The following FAM13C variants were observed in gnomAD, a reference collection of about 807,000 sequenced individuals.
FAM13C encodes the protein family with sequence similarity 13 member C.
A neutral mutation model predicts 73.2 loss-of-function variants in FAM13C; 37 were observed. The ratio of observed to expected loss-of-function variants is 0.51; its 90% CI spans 0.39 to 0.67. The LOEUF (loss-of-function observed/expected upper bound fraction) is 0.67. Ranked by LOEUF, FAM13C falls within the 30% of genes least tolerant of loss-of-function variation. The probability of loss-of-function intolerance (pLI) is 0.00; values close to 1 mark genes in which losing one functional copy is unlikely to be tolerated. For missense variants in FAM13C, 589 were observed against 715.6 expected, an observed-to-expected ratio of 0.82 and a Z score of 2.02; for synonymous variants, 246 against 260.9, an observed-to-expected ratio of 0.94 and a Z score of 0.55.
intron 3 of FAM13C, among the ~76,000 whole-genome samples, chr10:59,332,677 T>C (rs1426099589): frequency 6.6e-6 from 1 of 152,224 alleles, no homozygotes; most frequent in Non-Finnish European, 1.5e-5. Context: ...TGTTAAACTT[T>C]AATAAGGGAA....
chr10:59,362,227 A>G (rs1259939064), intron 1 of FAM13C, among the ~76,000 whole-genome samples, 172 bp downstream of exon 1: 1 of 152,176 alleles, frequency 6.6e-6, no homozygotes, highest in Non-Finnish European at 1.5e-5. Flanking sequence ...TTCAACCTGT[A>G]AAGATTTCTG....
chr10:59,261,005 T>C (rs1842453369), intron 10 of FAM13C, among the ~76,000 whole-genome samples: 1 of 152,188 alleles, frequency 6.6e-6, no homozygotes, highest in African/African-American at 2.4e-5. Context: ...ATCCCAGCTC[T>C]TCTTACTACC....
At chr10:59,355,235 C>G (rs1251808811) in intron 2 of FAM13C, among the ~76,000 whole-genome samples, 5 of 152,028 alleles carry the variant, frequency 3.3e-5, no homozygotes, top group Admixed American at 3.3e-4. Context: ...TTTCTTCATC[C>G]CAAATCTTAA....
chr10:59,268,468 G>A, intron 8 of FAM13C, 85 bp downstream of exon 8: 2 of 1,554,776 alleles, frequency 1.3e-6, no homozygotes, highest in Non-Finnish European at 1.7e-6. Context: ...GCAAAGAAGG[G>A]CACCCAGAAA....
chr10:59,339,593 A>G (rs1853220464), intron 3 of FAM13C, among the ~76,000 whole-genome samples: 1 of 152,098 alleles, frequency 6.6e-6, no homozygotes, highest in African/African-American at 2.4e-5. Flanking sequence ...ACTATCACTC[A>G]TGTCTTTACT....
chr10:59,257,250 C>T (rs565254619), intron 10 of FAM13C, among the ~76,000 whole-genome samples: 2 of 152,118 alleles, frequency 1.3e-5, no homozygotes, highest in Non-Finnish European at 2.9e-5. Flanking sequence ...ATTCCTGGCC[C>T]CCTATCAAGT....
At chr10:59,291,194 G>T (rs575538688) in intron 5 of FAM13C, among the ~76,000 whole-genome samples, 1 of 152,118 alleles carries the variant, frequency 6.6e-6, no homozygotes, top group African/African-American at 2.4e-5. Context: ...TCCCTTGAAA[G>T]CTGCCCCCAC....
chr10:59,263,862 G>A (rs919331979), intron 9 of FAM13C: 23 of 532,910 alleles, frequency 4.3e-5, no homozygotes, highest in Admixed American at 9.3e-5. Context: ...CATTCCACTT[G>A]GGAGTCTGGA....
chr10:59,347,548 T>G (rs1181854817), intron 3 of FAM13C, among the ~76,000 whole-genome samples: 1 of 152,056 alleles, frequency 6.6e-6, no homozygotes, highest in African/African-American at 2.4e-5. Context: ...ACTATTATAC[T>G]TTAAGTTCTG....
intron 2 of FAM13C, 68 bp from the exon 3 acceptor site, chr10:59,352,542 G>A (rs1855201903): frequency 1.4e-6 from 2 of 1,442,260 alleles, no homozygotes; most frequent in Admixed American, 2.5e-5. Context: ...GCAGGAAAGA[G>A]GGCTGGAGAT....
chr10:59,264,032 A>C, intron 9 of FAM13C, 53 bp downstream of exon 9: 1 of 1,494,682 alleles, frequency 6.7e-7, no homozygotes, highest in Non-Finnish European at 9.3e-7. Context: ...GCACATTATC[A>C]CTAGTTTAAC....
At chr10:59,327,871 A>G (rs1420469938) in intron 3 of FAM13C, among the ~76,000 whole-genome samples, 5 of 152,202 alleles carry the variant, frequency 3.3e-5, no homozygotes, top group African/African-American at 4.8e-5. Flanking sequence ...GTAAGAGAGC[A>G]GATTCTAACT....
chr10:59,264,491 A>G (rs1397404167), intron 8 of FAM13C, among the ~76,000 whole-genome samples: 4 of 152,164 alleles, frequency 2.6e-5, no homozygotes, highest in South Asian at 4.1e-4. Flanking sequence ...CAAACTGTCA[A>G]TCACCTTGCA....
At chr10:59,262,793 AAC>A in intron 9 of FAM13C, 148 bp from the exon 10 acceptor site, 2 of 653,140 alleles carry the variant, frequency 3.1e-6, no homozygotes, top group Non-Finnish European at 2.6e-6. Context: ...CAACCCTTAT[AAC>A]CAGAGCCATT....
chr10:59,353,170 A>C (rs966208812), intron 2 of FAM13C, among the ~76,000 whole-genome samples: 1 of 152,210 alleles, frequency 6.6e-6, no homozygotes, highest in Non-Finnish European at 1.5e-5. Context: ...TCATATATTC[A>C]GGGCTGGGAT....
rs986081848 is a variant in FAM13C at position 59,324,187 on chromosome 10, G to A, written c.325-81C>T. The A allele has an allele frequency of 4.7e-5, 54 of 1,138,730 alleles. 1 individual carries two copies. Among genetic ancestry groups the A allele is most frequent in the African/African-American group, 2.6e-4 (17 of 64,698 alleles). 70.5% of individuals were successfully genotyped at this position (1,138,730 alleles called of 1,614,324 possible). A position where few individuals can be genotyped will look rare whatever the true frequency, so the allele number is the denominator to read the frequency against. ...CATTATTATGCTGGAAGTGGGTCTC[G>A]GGGCAGGGAAGCAGCAATGCATAAC... On this transcript the variant is annotated intron_variant, in intron 3 of 13. Coordinates refer to ENST00000618804, the MANE Select transcript of FAM13C (RefSeq NM_198215.4).
chr10:59,339,456 C>T (rs1853200209), intron 3 of FAM13C, among the ~76,000 whole-genome samples: 1 of 152,094 alleles, frequency 6.6e-6, no homozygotes, highest in Non-Finnish European at 1.5e-5. Context: ...TAAGAAAACT[C>T]ATTAGGATGG....
intron 6 of FAM13C, chr10:59,282,859 A>G (rs2133686888): frequency 6.5e-6 from 1 of 153,228 alleles, no homozygotes; most frequent in Admixed American, 6.5e-5. Context: ...ACCAAACAAG[A>G]CAATACAGGA....
intron 10 of FAM13C, among the ~76,000 whole-genome samples, chr10:59,259,699 T>G (rs1842295472): frequency 6.6e-6 from 1 of 152,144 alleles, no homozygotes. Context: ...CTGACACTTA[T>G]TAAACAAAAT....
Sources: allele counts gnomAD v4.1 joint callset (sites outside exome capture counted in the v4.1 genomes callset), GRCh38; gene constraint gnomAD v4.1.1; transcripts MANE v1.5; gene names NCBI Gene and HGNC (gene_info 2026-07-23, HGNC 2026-07-21).